The following CCNY variants were observed in gnomAD, a reference collection of about 807,000 sequenced individuals.
CCNY encodes the protein cyclin-Y.
CCNY carries 19 observed loss-of-function variants against 42.8 expected under a neutral mutation model. The ratio of observed to expected loss-of-function variants is 0.44; its 90% CI spans 0.31 to 0.65. The LOEUF (loss-of-function observed/expected upper bound fraction) is 0.65. Among genes scored for constraint, CCNY ranks in the 30% least tolerant of loss-of-function variants. The pLI is 0.07. For synonymous variants in CCNY, 165 were observed against 162.7 expected (o/e 1.01, Z -0.11); for missense variants, 370 against 437.3 (o/e 0.85, Z 1.37).
intron 3 of CCNY, among the ~76,000 whole-genome samples, chr10:35,325,943 C>G (rs185187024): frequency 1.3e-5 from 2 of 152,052 alleles, no homozygotes; most frequent in Admixed American, 1.3e-4. Context: ...CATGGTGGCA[C>G]ATGCCCGTGG....
At chr10:35,257,315 GTTT>G (rs544963288) in intron 3 of CCNY, among the ~76,000 whole-genome samples, 59 of 88,824 alleles carry the variant, frequency 6.6e-4, no homozygotes, top group African/African-American at 2.5e-3. Context: ...CTTTCTTTCT[GTTT>G]TTTTTTTTGA....
At chr10:35,247,748 T>A (rs574878178) in intron 1 of CCNY, among the ~76,000 whole-genome samples, 2 of 148,024 alleles carry the variant, frequency 1.4e-5, no homozygotes, top group African/African-American at 5.0e-5. Flanking sequence ...TGGTGGTGGG[T>A]GCCTGTAGTC....
chr10:35,494,236 C>CCG (rs962704890), intron 2 of CCNY, among the ~76,000 whole-genome samples: 5 of 131,162 alleles, frequency 3.8e-5, no homozygotes, highest in South Asian at 2.7e-4. Flanking sequence ...ATAGTGAGAC[C>CCG]CCCCCCCCCA....
At chr10:35,405,894 G>A (rs921388366) in intron 1 of CCNY, among the ~76,000 whole-genome samples, 6 of 152,216 alleles carry the variant, frequency 3.9e-5, no homozygotes, top group South Asian at 4.1e-4. Context: ...GAGGAATCCC[G>A]GGCTGCGGGC....
intron 1 of CCNY, among the ~76,000 whole-genome samples, chr10:35,338,363 T>C (rs1836098754): frequency 1.3e-5 from 2 of 152,238 alleles, no homozygotes; most frequent in Non-Finnish European, 2.9e-5. Context: ...ATGAGTGCCA[T>C]GTATAAAGGG....
chr10:35,433,286 T>G (rs1838454164), intron 1 of CCNY, among the ~76,000 whole-genome samples: 1 of 152,220 alleles, frequency 6.6e-6, no homozygotes, highest in African/African-American at 2.4e-5. Flanking sequence ...AAAATACATT[T>G]TTCCTTTGTA....
chr10:35,569,672 A>T lies in CCNY; in HGVS notation c.*502A>T, dbSNP rs1053117200. ...TGTTTTGATTTTGGTCCCACAGAGC[A>T]GGGGATGTAGTTTGTACCCACCATG... On this transcript the variant is annotated 3_prime_UTR_variant, in exon 10 of 10. Coordinates refer to ENST00000374704, the MANE Select transcript of CCNY (RefSeq NM_145012.6). 4 of 176,204 alleles carry T rather than the reference A, an allele frequency of 2.3e-5. No homozygotes were observed. In the East Asian group the frequency reaches 5.9e-4, roughly 26 times the overall value. 10.9% of individuals were successfully genotyped at this position (176,204 alleles called of 1,614,324 possible).
At chr10:35,270,972 G>A (rs1398161921) in intron 3 of CCNY, among the ~76,000 whole-genome samples, 1 of 151,976 alleles carries the variant, frequency 6.6e-6, no homozygotes, top group Admixed American at 6.6e-5. Context: ...TGATCCGCCC[G>A]CCTCAGCCTC....
rs780871078 is a variant in CCNY, at chr10:35,557,766, A to AT, written c.746+4581_746+4582insT. Among the ~76,000 whole-genome samples, 5 of 152,342 alleles carry AT rather than the reference A, an allele frequency of 3.3e-5. No homozygotes were observed. The South Asian group carries it at 6.2e-4, about 19-fold the overall frequency. ...GCAAGACTCCATTTTATATTTAAAA[A>AT]AAAGTCAGTATAAATTATTAAATAT... is the stretch of plus-strand genomic sequence containing the variant. On this transcript the variant is annotated intron_variant, in intron 8 of 9. Transcript: ENST00000374704.
At chr10:35,424,889 C>G (rs1481166515) in intron 1 of CCNY, among the ~76,000 whole-genome samples, 1 of 152,212 alleles carries the variant, frequency 6.6e-6, no homozygotes, top group African/African-American at 2.4e-5. Context: ...TGTCCTCCAG[C>G]CACACCAGGT....
At chr10:35,372,894 C>T (rs1033478439) in intron 1 of CCNY, among the ~76,000 whole-genome samples, 1 of 152,120 alleles carries the variant, frequency 6.6e-6, no homozygotes. Context: ...GACAGGGCTT[C>T]ACCATGTTGG....
chr10:35,365,239 A>C (rs1836784532), intron 1 of CCNY, among the ~76,000 whole-genome samples: 1 of 152,196 alleles, frequency 6.6e-6, no homozygotes, highest in Admixed American at 6.5e-5. Flanking sequence ...AATTGAAAGA[A>C]AGCAAGAGTA....
At chr10:35,358,362 C>G (rs1322849798) in intron 1 of CCNY, among the ~76,000 whole-genome samples, 3 of 152,078 alleles carry the variant, frequency 2.0e-5, no homozygotes, top group Non-Finnish European at 4.4e-5. Context: ...GTGCATAAAG[C>G]ATTCTACCTG....
chr10:35,278,880 C>T (rs906043109), intron 3 of CCNY, among the ~76,000 whole-genome samples: 3 of 152,182 alleles, frequency 2.0e-5, no homozygotes, highest in Non-Finnish European at 2.9e-5. Context: ...TCCACCATGC[C>T]TTCTGCCTCC....
chr10:35,494,770 T>G (rs751107866), intron 2 of CCNY, among the ~76,000 whole-genome samples: 6 of 152,242 alleles, frequency 3.9e-5, no homozygotes, highest in African/African-American at 9.6e-5. Context: ...TATGAGCACA[T>G]GTATACTTGC....
At chr10:35,542,979 A>C (rs1334644750) in intron 7 of CCNY, among the ~76,000 whole-genome samples, 1 of 152,266 alleles carries the variant, frequency 6.6e-6, no homozygotes, top group Admixed American at 6.5e-5. Flanking sequence ...AGGCAAGTGC[A>C]ATACAAATTA....
chr10:35,354,032 A>G (rs1836485925), intron 1 of CCNY, among the ~76,000 whole-genome samples: 1 of 152,160 alleles, frequency 6.6e-6, no homozygotes, highest in African/African-American at 2.4e-5. Flanking sequence ...TGGCCAATGC[A>G]GGCATCAGGT....
rs1195564223 is a variant in CCNY at position 35,569,036 on chromosome 10, G to A, written c.910-18G>A. 6.5e-7 allele frequency: 1 copy of A among 1,545,800 alleles called. No individual in the cohort carries two copies. Among genetic ancestry groups the A allele is most frequent in the Non-Finnish European group, 8.9e-7 (1 of 1,118,682 alleles). ...GATATGGCCCGCCCTGACCCACACT[G>A]TCTTTCTTGCCCCTCAGGCCATCTC... is the stretch of plus-strand genomic sequence containing the variant. On this transcript the variant is annotated intron_variant, in intron 9 of 9. Transcript: ENST00000374704.
At chr10:35,424,218 T>TTTTTCTTTTC (rs370155417) in intron 1 of CCNY, among the ~76,000 whole-genome samples, 1 of 152,116 alleles carries the variant, frequency 6.6e-6, no homozygotes, top group Non-Finnish European at 1.5e-5. Flanking sequence ...CTCAAATGTT[T>TTTTTCTTTTC]TTTTCTTTTC....
Sources: allele counts gnomAD v4.1 joint callset (sites outside exome capture counted in the v4.1 genomes callset), GRCh38; gene constraint gnomAD v4.1.1; transcripts MANE v1.5; gene names NCBI Gene and HGNC (gene_info 2026-07-23, HGNC 2026-07-21).